TGFBR3: variants seen among roughly 807,000 people sequenced by gnomAD.
TGFBR3 encodes the protein transforming growth factor beta receptor type 3.
TGFBR3 carries 46 observed loss-of-function variants against 87.9 expected under a neutral mutation model. The ratio of observed to expected loss-of-function variants is 0.52; its 90% confidence interval spans 0.41 to 0.67. The LOEUF is 0.67. Among genes scored for constraint, TGFBR3 ranks in the 30% least tolerant of loss-of-function variants. The pLI, the probability that TGFBR3 is intolerant of heterozygous loss-of-function variation, is 0.00. For synonymous variants in TGFBR3, 381 were observed against 391.6 expected, an observed-to-expected ratio of 0.97 and a Z score of 0.32; for missense variants, 866 against 1,041.9, an observed-to-expected ratio of 0.83 and a Z score of 2.32.
intron 2 of TGFBR3, among the ~76,000 whole-genome samples, chr1:91,819,192 A>ACCGT (rs1286841457): frequency 6.6e-6 from 1 of 152,114 alleles, no homozygotes; most frequent in Non-Finnish European, 1.5e-5. Flanking sequence ...ACATGGTGAA[A>ACCGT]CCGTGTCTCT....
chr1:91,746,388 GT>G (rs963031393), intron 4 of TGFBR3, among the ~76,000 whole-genome samples: 1 of 152,192 alleles, frequency 6.6e-6, no homozygotes, highest in Non-Finnish European at 1.5e-5. Flanking sequence ...CAGGAATCCT[GT>G]CCAGCTTTAC....
chr1:91,805,757 G>T (rs1675805477), intron 2 of TGFBR3, among the ~76,000 whole-genome samples: 1 of 152,188 alleles, frequency 6.6e-6, no homozygotes, highest in South Asian at 2.1e-4. Flanking sequence ...CACCACTAGG[G>T]GCCACACATC....
chr1:91,900,066 T>C (rs1199240435), intron 1 of TGFBR3, among the ~76,000 whole-genome samples: 3 of 152,204 alleles, frequency 2.0e-5, no homozygotes, highest in Non-Finnish European at 4.4e-5. Flanking sequence ...GATTCTGAAA[T>C]ATACTCCTAG....
chr1:91,798,302 G>A (rs754660193), intron 2 of TGFBR3, among the ~76,000 whole-genome samples: 3 of 152,148 alleles, frequency 2.0e-5, no homozygotes, highest in Admixed American at 6.5e-5. Context: ...AATGCCTGCC[G>A]TTGGCATCTC....
rs996752957 is a variant in TGFBR3, at chr1:91,824,892, G to A, written c.62-27421C>T. ...GGAGAATCGCTTGAACATGGGAGGC[G>A]GAGGCTGCAGTGAGCCAAGATCGCA... On this transcript the variant is annotated intron_variant, in intron 2 of 16. Transcript: ENST00000212355. Among the ~76,000 whole-genome samples, 11 of 149,428 alleles carry A rather than the reference G, an allele frequency of 7.4e-5. No homozygotes were observed. In the East Asian group the frequency reaches 9.6e-4, roughly 13 times the overall value.
rs553770540 is a variant in TGFBR3, at chr1:91,797,208, A to G, written c.246+79T>C. On this transcript the variant is annotated intron_variant, in intron 3 of 16. Coordinates refer to ENST00000212355, the MANE Select transcript of TGFBR3 (RefSeq NM_003243.5). ...AGCTTCTTTTGTTGAACCCCAGAAG[A>G]GAAGAAAAGGACTTCTGTCCAGAAA... 300 of 1,476,076 alleles carry G rather than the reference A, an allele frequency of 2.0e-4. 12 individuals are homozygous for G. The South Asian group carries it at 3.2e-3, about 16-fold the overall frequency. 91.4% of individuals were successfully genotyped at this position (1,476,076 alleles called of 1,614,324 possible).
chr1:91,834,650 T>C (rs949933287), intron 2 of TGFBR3, among the ~76,000 whole-genome samples: 6 of 152,186 alleles, frequency 3.9e-5, no homozygotes, highest in Non-Finnish European at 7.4e-5. Context: ...AAATAGACAA[T>C]GAACAAATAC....
chr1:91,770,655 G>A (rs1383837584), intron 3 of TGFBR3, among the ~76,000 whole-genome samples: 1 of 152,010 alleles, frequency 6.6e-6, no homozygotes, highest in Non-Finnish European at 1.5e-5. Flanking sequence ...TCAAAAATTA[G>A]GTTAAAAAAT....
intron 7 of TGFBR3, among the ~76,000 whole-genome samples, chr1:91,725,292 C>T (rs939360663): frequency 6.6e-6 from 1 of 152,144 alleles, no homozygotes; most frequent in African/African-American, 2.4e-5. Context: ...TAAATTACTC[C>T]ATCAGACTCC....
chr1:91,766,446 G>A (rs1674190690), intron 3 of TGFBR3: 1 of 152,076 alleles, frequency 6.6e-6, no homozygotes, highest in Non-Finnish European at 1.5e-5. Flanking sequence ...ATGTTAGAAT[G>A]GCCTGTGCAT....
At chr1:91,771,704 T>TTAA (rs1674383845) in intron 3 of TGFBR3, among the ~76,000 whole-genome samples, 1 of 49,898 alleles carries the variant, frequency 2.0e-5, no homozygotes, top group African/African-American at 1.1e-4. Context: ...AGACTCTGTC[T>TTAA]CAAAAAAAAA....
chr1:91,752,530 T>A (rs1443696804), intron 4 of TGFBR3, among the ~76,000 whole-genome samples: 3 of 152,198 alleles, frequency 2.0e-5, no homozygotes, highest in African/African-American at 7.2e-5. Flanking sequence ...GATACCCTTT[T>A]TTCCTTATGA....
In TGFBR3 at chr1:91,885,918, G is replaced by T. The variant is rs543411847; in HGVS notation, c.-154C>A. The T allele has an allele frequency of 6.3e-5, 28 of 441,536 alleles. No individual in the cohort carries two copies. Among genetic ancestry groups the T allele is most frequent in the African/African-American group, 5.6e-4 (28 of 49,788 alleles). 27.4% of individuals were successfully genotyped at this position (441,536 alleles called of 1,614,324 possible). On this transcript the variant is annotated 5_prime_UTR_variant, in exon 1 of 17. Transcript: ENST00000212355. Reference sequence around the variant, plus strand: ...TCCAGCGGAGATCCACCCGCAGCAAGTTGGAGGAAAGCGGCGGCAAGTTTC... The same window carrying T: ...TCCAGCGGAGATCCACCCGCAGCAATTTGGAGGAAAGCGGCGGCAAGTTTC...
chr1:91,738,998 G>A (rs1251571469), intron 4 of TGFBR3, among the ~76,000 whole-genome samples: 2 of 152,222 alleles, frequency 1.3e-5, no homozygotes, highest in Non-Finnish European at 1.5e-5. Flanking sequence ...CGCAGCAAGT[G>A]TAAGGTCTGA....
chr1:91,739,102 A>G (rs1673060827), intron 4 of TGFBR3, among the ~76,000 whole-genome samples: 1 of 152,206 alleles, frequency 6.6e-6, no homozygotes, highest in Non-Finnish European at 1.5e-5. Flanking sequence ...TTGGTAGGAC[A>G]CAGGTCCCAG....
intron 3 of TGFBR3, among the ~76,000 whole-genome samples, chr1:91,765,183 CT>C (rs765982461): frequency 7.9e-5 from 12 of 151,188 alleles, no homozygotes; most frequent in Middle Eastern, 6.8e-3. Context: ...TTTGTCCCCC[CT>C]GTCACAGTAT....
At chr1:91,683,908 T>A in intron 16 of TGFBR3, 51 bp from the exon 17 acceptor site, 1 of 1,460,050 alleles carries the variant, frequency 6.8e-7, no homozygotes, top group Non-Finnish European at 9.4e-7. Context: ...ATATTATGTA[T>A]GTGCATTCCT....
At chr1:91,789,982 G>T (rs1228796257) in intron 3 of TGFBR3, among the ~76,000 whole-genome samples, 2 of 152,142 alleles carry the variant, frequency 1.3e-5, no homozygotes, top group Non-Finnish European at 2.9e-5. Context: ...ATCCTATGTG[G>T]ACAGACAGAT....
intron 2 of TGFBR3, among the ~76,000 whole-genome samples, chr1:91,837,629 G>A (rs1422631931): frequency 2.0e-5 from 3 of 152,124 alleles, no homozygotes; most frequent in Admixed American, 2.0e-4. Context: ...AAATTTAAAT[G>A]ATTTATGTAA....
Sources: allele counts gnomAD v4.1 joint callset (sites outside exome capture counted in the v4.1 genomes callset), GRCh38; gene constraint gnomAD v4.1.1; transcripts MANE v1.5; gene names NCBI Gene and HGNC (gene_info 2026-07-23, HGNC 2026-07-21).